PIK3C2G: variants seen among roughly 807,000 people sequenced by gnomAD.
PIK3C2G encodes the protein phosphatidylinositol 3-kinase C2 domain-containing subunit gamma.
PIK3C2G carries 168 observed loss-of-function variants against 181.1 expected under a neutral mutation model. The ratio of observed to expected loss-of-function variants is 0.93; its 90% confidence interval spans 0.82 to 1.05. PIK3C2G has a LOEUF of 1.05. Among genes scored for constraint, PIK3C2G ranks in the 50% least tolerant of loss-of-function variants. The pLI, the probability that PIK3C2G is intolerant of heterozygous loss-of-function variation, is 0.00. For missense variants in PIK3C2G, 1,869 were observed against 1,732.8 expected (o/e 1.08, Z -1.40); for synonymous variants, 573 against 592.2 (o/e 0.97, Z 0.47).
At chr12:18,669,905 G>A in the PIK3C2G span, among the ~76,000 whole-genome samples, 2 of 152,082 alleles carry the variant, frequency 1.3e-5, no homozygotes, top group African/African-American at 4.8e-5. Flanking sequence ...TCCTGACCTT[G>A]TGATCCGCCC....
the PIK3C2G span, among the ~76,000 whole-genome samples, chr12:18,713,262 T>A: frequency 3.9e-5 from 6 of 152,242 alleles, no homozygotes; most frequent in South Asian, 1.2e-3. Context: ...TGGTTTTCAG[T>A]AAGCAATGAG....
At chr12:18,543,163 A>T (rs752037827) in intron 25 of PIK3C2G, among the ~76,000 whole-genome samples, 133 of 151,680 alleles carry the variant, frequency 8.8e-4, no homozygotes, top group Middle Eastern at 6.8e-3. Context: ...TTTTTTTCAT[A>T]TGCTTGTTGG....
intron 18 of PIK3C2G, among the ~76,000 whole-genome samples, chr12:18,459,298 G>A (rs1385635981): frequency 6.6e-6 from 1 of 152,160 alleles, no homozygotes; most frequent in East Asian, 1.9e-4. Context: ...GCAGAAGTCA[G>A]TCCACTCCAA....
At chr12:18,496,312 T>C (rs895538093) in intron 21 of PIK3C2G, among the ~76,000 whole-genome samples, 158 bp downstream of exon 21, 6 of 152,182 alleles carry the variant, frequency 3.9e-5, no homozygotes, top group African/African-American at 1.4e-4. Context: ...ATATATAGTA[T>C]GTGCCAAACT....
At chr12:18,395,897 T>C (rs1259100825) in intron 15 of PIK3C2G, among the ~76,000 whole-genome samples, 1 of 142,178 alleles carries the variant, frequency 7.0e-6, no homozygotes, top group Non-Finnish European at 1.5e-5. Context: ...AAGGAGAAGA[T>C]AAAAATGAAA....
In PIK3C2G at chr12:18,647,928, T is replaced by A; in HGVS notation, c.4361T>A (p.Val1454Glu). 1.3e-6 allele frequency: 2 copies of A among 1,597,842 alleles called. No individual in the cohort carries two copies. Among genetic ancestry groups the A allele is most frequent in the Non-Finnish European group, 1.7e-6 (2 of 1,170,080 alleles). ...CAAGGACATGTCTTAATGCTTATTG[T>A]GAAGAGTAAAACTGTATTTGTGGGA... ...ELQGHVLMLI[V>E]KSKTVFVGAI... The change falls in exon 33 of 33, where the codon GTG (valine) becomes GAG (glutamate). Residue 1454 changes from valine (V) to glutamate (E), a missense_variant. Val to Glu is a moderately radical substitution (Grantham distance 121). Transcript: ENST00000538779.
chr12:18,516,407 T>C (rs2136162562), intron 24 of PIK3C2G, among the ~76,000 whole-genome samples: 1 of 152,148 alleles, frequency 6.6e-6, no homozygotes, highest in Admixed American at 6.6e-5. Flanking sequence ...TCAGCATTCT[T>C]TCTTTGTCTT....
At chr12:18,638,263 C>A (rs997659587) in intron 31 of PIK3C2G, among the ~76,000 whole-genome samples, 6 of 152,128 alleles carry the variant, frequency 3.9e-5, no homozygotes, top group African/African-American at 1.4e-4. Context: ...TAGCAGCTGC[C>A]TCAGAGGAGG....
chr12:18,474,205 G>T (rs1320034660), intron 18 of PIK3C2G, among the ~76,000 whole-genome samples: 1 of 152,058 alleles, frequency 6.6e-6, no homozygotes, highest in Admixed American at 6.6e-5. Context: ...AGCTACTATT[G>T]AGATTCAGAG....
chr12:18,705,201 G>C, the PIK3C2G span: 3 of 1,613,866 alleles, frequency 1.9e-6, no homozygotes, highest in Non-Finnish European at 1.7e-6. Flanking sequence ...AAATCATCAA[G>C]CATATCAGAA....
chr12:18,452,687 T>C (rs955630845), intron 18 of PIK3C2G, among the ~76,000 whole-genome samples: 3 of 152,198 alleles, frequency 2.0e-5, no homozygotes, highest in African/African-American at 7.2e-5. Flanking sequence ...TTTCCCACTT[T>C]CTGATGTGGG....
At chr12:18,290,186 G>T (rs1949629590) in intron 3 of PIK3C2G, among the ~76,000 whole-genome samples, 4 of 152,066 alleles carry the variant, frequency 2.6e-5, no homozygotes, top group Admixed American at 6.6e-5. Context: ...CAAATAACTT[G>T]CCTCTGGCCA....
At chr12:18,273,092 A>C (rs969737563) in intron 1 of PIK3C2G, among the ~76,000 whole-genome samples, 1 of 152,050 alleles carries the variant, frequency 6.6e-6, no homozygotes, top group Non-Finnish European at 1.5e-5. Flanking sequence ...TGCTAGAATT[A>C]CTCATTTTTT....
intron 12 of PIK3C2G, among the ~76,000 whole-genome samples, chr12:18,364,948 C>A (rs1941533312): frequency 6.6e-6 from 1 of 152,092 alleles, no homozygotes; most frequent in African/African-American, 2.4e-5. Context: ...AATTTTTCTT[C>A]TGATTTAATT....
chr12:18,293,767 A>G (rs1000782638), intron 4 of PIK3C2G, 134 bp from the exon 5 acceptor site: 9 of 620,034 alleles, frequency 1.5e-5, no homozygotes, highest in Non-Finnish European at 2.3e-5. Context: ...ATGAATCTCA[A>G]TTTAATTCCC....
chr12:18,428,726 G>A (rs575809742), intron 18 of PIK3C2G, among the ~76,000 whole-genome samples: 1 of 152,280 alleles, frequency 6.6e-6, no homozygotes, highest in Non-Finnish European at 1.5e-5. Flanking sequence ...CTGGAAGAGT[G>A]AATGTAGGAT....
intron 1 of PIK3C2G, among the ~76,000 whole-genome samples, chr12:18,266,027 A>C (rs1948478854): frequency 6.6e-6 from 1 of 150,808 alleles, no homozygotes; most frequent in Non-Finnish European, 1.5e-5. Flanking sequence ...AAAAAAAAAA[A>C]AAAAAAAAAA....
chr12:18,415,650 G>T (rs1199766260), intron 16 of PIK3C2G, among the ~76,000 whole-genome samples: 1 of 152,206 alleles, frequency 6.6e-6, no homozygotes, highest in Non-Finnish European at 1.5e-5. Context: ...GCTTAGATAG[G>T]CTAAAAGCTA....
chr12:18,250,095 G>A (rs1382529862), intron 1 of PIK3C2G, among the ~76,000 whole-genome samples: 1 of 151,978 alleles, frequency 6.6e-6, no homozygotes, highest in Non-Finnish European at 1.5e-5. Context: ...CCTGTCTCAA[G>A]CAAACAAAAT....
Sources: allele counts gnomAD v4.1 joint callset (sites outside exome capture counted in the v4.1 genomes callset), GRCh38; gene constraint gnomAD v4.1.1; transcripts MANE v1.5; gene names NCBI Gene and HGNC (gene_info 2026-07-23, HGNC 2026-07-21).